The following GRK5 variants were observed in gnomAD, a reference collection of about 807,000 sequenced individuals.
GRK5 encodes g protein-coupled receptor kinase GRK5.
In GRK5, 40 loss-of-function variants were observed where a neutral mutation model predicts 78.4. That is an observed-to-expected ratio of 0.51 (90% CI 0.40 to 0.66). The LOEUF (loss-of-function observed/expected upper bound fraction) is 0.66, where lower values mean the gene tolerates loss of function less well. GRK5 is among the 30% of genes least tolerant of loss of function. The pLI, the probability that GRK5 is intolerant of heterozygous loss-of-function variation, is 0.00. For missense variants in GRK5, 598 were observed against 759.9 expected, an observed-to-expected ratio of 0.79 and a Z score of 2.50; for synonymous variants, 289 against 296.8, an observed-to-expected ratio of 0.97 and a Z score of 0.27.
intron 1 of GRK5, among the ~76,000 whole-genome samples, chr10:119,283,432 C>A (rs1445376310): frequency 6.6e-6 from 1 of 152,206 alleles, no homozygotes; most frequent in Non-Finnish European, 1.5e-5. Context: ...CCTGCAAGTC[C>A]TTCTTCTAGG....
chr10:119,317,780 G>A (rs1224289197), intron 1 of GRK5, among the ~76,000 whole-genome samples: 1 of 152,162 alleles, frequency 6.6e-6, no homozygotes, highest in Non-Finnish European at 1.5e-5. Flanking sequence ...GTCCTTTTTA[G>A]AAGACGTAGA....
At chr10:119,397,301 A>G (rs73435052) in intron 4 of GRK5, among the ~76,000 whole-genome samples, 1,535 of 152,320 alleles carry the variant, frequency 0.01, 24 homozygotes, top group African/African-American at 0.035. Flanking sequence ...TAGTTGAAGC[A>G]TCGGGGTACC....
At chr10:119,230,597 G>A (rs138374770) in intron 1 of GRK5, among the ~76,000 whole-genome samples, 3,118 of 151,952 alleles carry the variant, frequency 0.021, 76 homozygotes, top group South Asian at 0.062. Flanking sequence ...CCTCCCACTG[G>A]GTCCCTCCCA....
intron 1 of GRK5, among the ~76,000 whole-genome samples, chr10:119,232,128 C>T (rs1276096013): frequency 2.0e-5 from 3 of 152,192 alleles, no homozygotes; most frequent in Non-Finnish European, 4.4e-5. Flanking sequence ...GGCATATATA[C>T]ACAACGGGAA....
chr10:119,344,947 C>A (rs1421913294), intron 2 of GRK5, among the ~76,000 whole-genome samples: 3 of 105,970 alleles, frequency 2.8e-5, no homozygotes, highest in East Asian at 4.7e-4. Flanking sequence ...TTCCTCCCTC[C>A]CTCCCTCCCT....
intron 1 of GRK5, among the ~76,000 whole-genome samples, chr10:119,265,692 A>G (rs1849483975): frequency 6.6e-6 from 1 of 152,208 alleles, no homozygotes; most frequent in African/African-American, 2.4e-5. Flanking sequence ...CTCAACCTCC[A>G]TTGGAGTGAG....
chr10:119,294,655 CA>C (rs1332520919), intron 1 of GRK5, among the ~76,000 whole-genome samples: 2 of 152,126 alleles, frequency 1.3e-5, no homozygotes, highest in African/African-American at 4.8e-5. Flanking sequence ...AGGAGGGAGG[CA>C]GGGGGAGACA....
At chr10:119,439,116 C>T (rs1025608096) in intron 9 of GRK5, among the ~76,000 whole-genome samples, 1 of 152,382 alleles carries the variant, frequency 6.6e-6, no homozygotes, top group Non-Finnish European at 1.5e-5. Context: ...CTCCCCTCAT[C>T]CTGGGAATGC....
chr10:119,389,801 A>AAC (rs66652162), intron 3 of GRK5, among the ~76,000 whole-genome samples: 13,550 of 149,538 alleles, frequency 0.091, 661 homozygotes, highest in Non-Finnish European at 0.11. Context: ...GATCATGAGC[A>AAC]ACACACACAC....
chr10:119,360,832 G>A (rs1263514277), intron 2 of GRK5, among the ~76,000 whole-genome samples: 17 of 152,208 alleles, frequency 1.1e-4, no homozygotes, highest in Admixed American at 1.1e-3. Flanking sequence ...GGGATGCTGG[G>A]AACCCTGGGA....
At chr10:119,399,920 C>A (rs1177362919) in intron 4 of GRK5, among the ~76,000 whole-genome samples, 1 of 152,176 alleles carries the variant, frequency 6.6e-6, no homozygotes, top group Non-Finnish European at 1.5e-5. Context: ...ACCTTGTGGC[C>A]TTTGTTCAGG....
At chr10:119,414,213 G>T (rs1378039535) in intron 4 of GRK5, among the ~76,000 whole-genome samples, 1 of 152,238 alleles carries the variant, frequency 6.6e-6, no homozygotes, top group African/African-American at 2.4e-5. Flanking sequence ...GCCCACATAT[G>T]AAAATATACA....
At chr10:119,341,556 C>T (rs192121053) in intron 2 of GRK5, among the ~76,000 whole-genome samples, 76 of 152,244 alleles carry the variant, frequency 5.0e-4, no homozygotes, top group African/African-American at 1.8e-3. Context: ...CCCTGGTGAC[C>T]TCACCTAGTC....
At chr10:119,382,850 A>T (rs943864443) in intron 3 of GRK5, among the ~76,000 whole-genome samples, 2 of 152,116 alleles carry the variant, frequency 1.3e-5, no homozygotes, top group South Asian at 2.1e-4. Flanking sequence ...GTTCCTACAG[A>T]AGAGCTTCCC....
intron 2 of GRK5, among the ~76,000 whole-genome samples, chr10:119,380,266 ACTT>A (rs949317870): frequency 6.6e-6 from 1 of 152,142 alleles, no homozygotes; most frequent in African/African-American, 2.4e-5. Flanking sequence ...CACCAACTCT[ACTT>A]CTTCTAATTT....
chr10:119,419,500 G>C (rs973374265), intron 4 of GRK5, among the ~76,000 whole-genome samples: 4 of 152,226 alleles, frequency 2.6e-5, no homozygotes, highest in African/African-American at 9.6e-5. Flanking sequence ...GTCACTCCCT[G>C]GAGGCACTTG....
chr10:119,224,008 A>T (rs1469530972), intron 1 of GRK5, among the ~76,000 whole-genome samples: 1 of 151,704 alleles, frequency 6.6e-6, no homozygotes, highest in East Asian at 1.9e-4. Flanking sequence ...TAAAAGCAGA[A>T]CCCCAAGTCC....
chr10:119,348,091 A>G (rs976544932), intron 2 of GRK5, among the ~76,000 whole-genome samples: 1 of 152,344 alleles, frequency 6.6e-6, no homozygotes, highest in South Asian at 2.1e-4. Context: ...TGTGTAGCAC[A>G]GTGGCTGCAC....
At chr10:119,392,457 C>T (rs1851900839) in intron 3 of GRK5, among the ~76,000 whole-genome samples, 1 of 152,204 alleles carries the variant, frequency 6.6e-6, no homozygotes, top group East Asian at 1.9e-4. Context: ...GGCTGGAGTG[C>T]AATGGCACAA....
Sources: allele counts gnomAD v4.1 joint callset (sites outside exome capture counted in the v4.1 genomes callset), GRCh38; gene constraint gnomAD v4.1.1; transcripts MANE v1.5; gene names NCBI Gene and HGNC (gene_info 2026-07-23, HGNC 2026-07-21).